Variants in DCDC1 observed in about 807,000 individuals in gnomAD.
The protein encoded by DCDC1 is doublecortin domain containing 1, also known as doublecortin domain-containing protein 1.
A neutral mutation model predicts 178.3 loss-of-function variants in DCDC1; 200 were observed. The observed-to-expected ratio is 1.12, with a 90% CI of 1.00 to 1.26. The LOEUF (loss-of-function observed/expected upper bound fraction) is 1.26, where lower values mean the gene tolerates loss of function less well. Among genes scored for constraint, DCDC1 ranks in the 50% most tolerant of loss-of-function variants. The probability of loss-of-function intolerance (pLI) is 0.00; values close to 1 mark genes in which losing one functional copy is unlikely to be tolerated. For synonymous variants in DCDC1, 690 were observed against 604.8 expected, an observed-to-expected ratio of 1.14 and a Z score of -2.07; for missense variants, 1,983 against 1,749.2, an observed-to-expected ratio of 1.13 and a Z score of -2.38.
At chr11:31,132,058 A>G (rs1316878566) in intron 10 of DCDC1, among the ~76,000 whole-genome samples, 2 of 152,170 alleles carry the variant, frequency 1.3e-5, no homozygotes, top group African/African-American at 4.8e-5. Context: ...TGCTTCAGAA[A>G]CCTTCTCTAC....
At chr11:30,915,154 A>C (rs1403013204) in intron 27 of DCDC1, among the ~76,000 whole-genome samples, 3 of 152,176 alleles carry the variant, frequency 2.0e-5, no homozygotes, top group African/African-American at 7.2e-5. Context: ...AAGTATCAAA[A>C]AATTTGAAAA....
intron 9 of DCDC1, among the ~76,000 whole-genome samples, chr11:31,215,673 G>A (rs1973456371): frequency 6.6e-6 from 1 of 151,990 alleles, no homozygotes; most frequent in South Asian, 2.1e-4. Context: ...TGCGCCTATA[G>A]TCCTAGCTAC....
chr11:31,345,255 A>T (rs1196944707), intron 1 of DCDC1, among the ~76,000 whole-genome samples: 2 of 152,210 alleles, frequency 1.3e-5, no homozygotes, highest in Non-Finnish European at 2.9e-5. Flanking sequence ...ATAAAATTCT[A>T]TGAAAAAATG....
chr11:30,904,949 A>G lies in DCDC1; in HGVS notation c.4308+12T>C, dbSNP rs1406842395. 1.9e-6 allele frequency: 3 copies of G among 1,613,258 alleles called. No homozygotes were observed. In the Admixed American group the frequency reaches 5.0e-5, roughly 27 times the overall value. ...TGAAGATGCAAGCAGCATTTAAGTG[A>G]TAGCCACTTACCATGGGGAATGTTC... On this transcript the variant is annotated intron_variant, in intron 31 of 38. Coordinates refer to ENST00000684477, the MANE Select transcript of DCDC1 (RefSeq NM_001387274.1).
intron 20 of DCDC1, among the ~76,000 whole-genome samples, chr11:31,038,626 C>A (rs982512939): frequency 6.6e-6 from 1 of 152,076 alleles, no homozygotes; most frequent in African/African-American, 2.4e-5. Context: ...AGGAAAGTAT[C>A]CAAAAATTAT....
chr11:31,294,844 A>C (rs1947550987), intron 6 of DCDC1, among the ~76,000 whole-genome samples: 1 of 148,276 alleles, frequency 6.7e-6, no homozygotes, highest in Non-Finnish European at 1.5e-5. Flanking sequence ...GAAAGAAAGA[A>C]AGAAAGAAAG....
chr11:30,991,494 T>G (rs1347052022), intron 20 of DCDC1, among the ~76,000 whole-genome samples: 1 of 152,078 alleles, frequency 6.6e-6, no homozygotes, highest in African/African-American at 2.4e-5. Flanking sequence ...AAAAGAAAAC[T>G]CAGTGGCAAC....
Position 31,305,778 on chromosome 11 carries a change from C to T in DCDC1, c.592-1G>A. 1 of 1,611,886 alleles carries T rather than the reference C, an allele frequency of 6.2e-7. No individual in the cohort carries two copies. The stretch of plus-strand genomic sequence containing the variant: ...GCTTTTCTGTGCACTCCTCCAGCAG[C>T]TAGAAGAAAGCAAGAGGTAAGTCAA... On this transcript the variant is annotated splice_acceptor_variant, in intron 5 of 38. Transcript: ENST00000684477. LOFTEE classifies it high-confidence loss of function.
Position 31,094,195 on chromosome 11 carries a change from A to T in DCDC1, c.1984-11T>A, listed in dbSNP as rs763518487. ...AATATTGGGATCTACCTGTATCATA[A>T]GAAGAAGTATGCATTTTTAACTCAT... On this transcript the variant is annotated splice_polypyrimidine_tract_variant and intron_variant, in intron 15 of 38. Transcript: ENST00000684477. The T allele has an allele frequency of 6.5e-6, 5 of 765,768 alleles. No homozygotes were observed. In the African/African-American group the frequency reaches 6.8e-5, roughly 10 times the overall value. The allele number at this position is 765,768 out of a possible 1,614,324, so 47.4% of individuals were successfully genotyped here.
rs1053180766 is a variant in DCDC1 at position 31,344,252 on chromosome 11, C to T, written c.-124-8688G>A. On this transcript the variant is annotated intron_variant, in intron 1 of 38. Transcript: ENST00000684477. ...AAATACTATGGTACTCTAAAGAATA[C>T]GGATAAAGGCATTGACTTATGTTTT... 1.1e-4 allele frequency among the ~76,000 whole-genome samples: 16 copies of T among 152,138 alleles called. 1 individual carries two copies. The highest frequency in any genetic ancestry group is 8.5e-4 in the Admixed American group (13 of 15,274).
At chr11:31,085,926 C>A (rs914693437) in intron 17 of DCDC1, among the ~76,000 whole-genome samples, 1 of 152,066 alleles carries the variant, frequency 6.6e-6, no homozygotes, top group Admixed American at 6.6e-5. Context: ...CAGGGTCTCA[C>A]TATGTTGCCC....
intron 9 of DCDC1, among the ~76,000 whole-genome samples, chr11:31,146,571 G>A (rs560069835): frequency 6.6e-6 from 1 of 152,324 alleles, no homozygotes; most frequent in African/African-American, 2.4e-5. Context: ...CACAGCAGCT[G>A]CTGGTCGATG....
chr11:30,888,145 A>AGAAAGAAAGAAAGAAAGG (rs1423064989), intron 36 of DCDC1, among the ~76,000 whole-genome samples: 1 of 143,316 alleles, frequency 7.0e-6, no homozygotes, highest in Non-Finnish European at 1.5e-5. Flanking sequence ...AAAGAAAGAA[A>AGAAAGAAAGAAAGAAAGG]GAAAGAAAGA....
intron 1 of DCDC1, among the ~76,000 whole-genome samples, chr11:31,359,543 C>A (rs1053030590): frequency 6.6e-6 from 1 of 151,932 alleles, no homozygotes; most frequent in African/African-American, 2.4e-5. Context: ...ATGTAACTAA[C>A]CTGCACATTG....
At chr11:31,326,366 T>C (rs972845947) in intron 3 of DCDC1, among the ~76,000 whole-genome samples, 2 of 135,824 alleles carry the variant, frequency 1.5e-5, no homozygotes, top group African/African-American at 2.5e-5. Context: ...ACGTTTAGCT[T>C]TACCATAAAA....
intron 10 of DCDC1, among the ~76,000 whole-genome samples, chr11:31,131,548 A>G (rs2135959674): frequency 6.6e-6 from 1 of 152,336 alleles, no homozygotes; most frequent in East Asian, 1.9e-4. Flanking sequence ...TTAAAAAACA[A>G]TGGATAATAG....
At chr11:31,015,988 T>C (rs1952465440) in intron 20 of DCDC1, among the ~76,000 whole-genome samples, 1 of 152,216 alleles carries the variant, frequency 6.6e-6, no homozygotes, top group African/African-American at 2.4e-5. Context: ...TTAAATATCT[T>C]ATATTGTGGA....
Position 31,236,746 on chromosome 11 carries a change from A to G in DCDC1, c.1221+4704T>C, listed in dbSNP as rs965750671. On this transcript the variant is annotated intron_variant, in intron 9 of 38. Transcript: ENST00000684477. ...CAGAAGTAGTTTTCATCTCGAAATG[A>G]CTATCACACTATTTTCATGTTTTTA... Among the ~76,000 whole-genome samples the G allele has an allele frequency of 1.3e-5, 2 of 152,018 alleles. 1 individual carries two copies. Among genetic ancestry groups the G allele is most frequent in the South Asian group, 4.1e-4 (2 of 4,824 alleles).
chr11:31,022,643 T>TG (rs1952952445), intron 20 of DCDC1, among the ~76,000 whole-genome samples: 44 of 121,048 alleles, frequency 3.6e-4, no homozygotes, highest in African/African-American at 1.4e-3. Flanking sequence ...GTCTTTTAGT[T>TG]TGTGTGTGTG....
Sources: allele counts gnomAD v4.1 joint callset (sites outside exome capture counted in the v4.1 genomes callset), GRCh38; gene constraint gnomAD v4.1.1; transcripts MANE v1.5; gene names NCBI Gene and HGNC (gene_info 2026-07-23, HGNC 2026-07-21).